KALRN: variants seen among roughly 807,000 people sequenced by gnomAD.
The protein encoded by KALRN is kalirin RhoGEF kinase.
A neutral mutation model predicts 353.7 loss-of-function variants in KALRN; 70 were observed. The ratio of observed to expected loss-of-function variants is 0.20; its 90% CI spans 0.16 to 0.24. The LOEUF is 0.24. KALRN is among the 10% of genes least tolerant of loss of function. The probability of loss-of-function intolerance (pLI) is 1.00; values close to 1 mark genes in which losing one functional copy is unlikely to be tolerated. For missense variants in KALRN, 2,791 were observed against 3,756.7 expected, an observed-to-expected ratio of 0.74 and a Z score of 6.72; for synonymous variants, 1,391 against 1,434.8, an observed-to-expected ratio of 0.97 and a Z score of 0.69.
chr3:124,444,288 A>G (rs1305944401), intron 19 of KALRN, among the ~76,000 whole-genome samples: 8 of 152,196 alleles, frequency 5.3e-5, no homozygotes, highest in African/African-American at 1.9e-4. Context: ...AGAATTTCCT[A>G]TAGTGGTGAT....
chr3:124,152,766 G>A (rs1034496736), intron 1 of KALRN: 2 of 350,688 alleles, frequency 5.7e-6, no homozygotes, highest in African/African-American at 2.2e-5. Flanking sequence ...GCTAATTTTT[G>A]TAGTTTTTGT....
At chr3:124,668,406 A>G (rs959046897) in intron 47 of KALRN, among the ~76,000 whole-genome samples, 7 of 152,228 alleles carry the variant, frequency 4.6e-5, no homozygotes, top group Admixed American at 6.5e-5. Flanking sequence ...AAGGGAGTTC[A>G]GGTAGATCTA....
chr3:124,572,229 G>A (rs1578071821), intron 34 of KALRN, among the ~76,000 whole-genome samples: 1 of 151,836 alleles, frequency 6.6e-6, no homozygotes, highest in East Asian at 2.0e-4. Flanking sequence ...GGTGGAGGTG[G>A]GGGAAGGGCT....
intron 1 of KALRN, among the ~76,000 whole-genome samples, chr3:124,139,244 C>A (rs1449101518): frequency 2.0e-5 from 3 of 152,146 alleles, no homozygotes; most frequent in Non-Finnish European, 2.9e-5. Context: ...GTTGACAACA[C>A]TCTCTTTAAG....
intron 14 of KALRN, among the ~76,000 whole-genome samples, chr3:124,417,882 A>G (rs982699343): frequency 2.0e-5 from 3 of 152,342 alleles, no homozygotes; most frequent in South Asian, 2.1e-4. Flanking sequence ...TTGTACTCCT[A>G]TTCTAGCACA....
intron 33 of KALRN, among the ~76,000 whole-genome samples, chr3:124,539,519 G>A (rs781695253): frequency 1.3e-5 from 2 of 152,166 alleles, no homozygotes; most frequent in Non-Finnish European, 2.9e-5. Flanking sequence ...CCCCTGGCAG[G>A]CTGCAAGCTC....
intron 51 of KALRN, among the ~76,000 whole-genome samples, chr3:124,687,059 C>T (rs1168101945): frequency 2.6e-5 from 4 of 151,978 alleles, no homozygotes; most frequent in East Asian, 3.8e-4. Context: ...CAGTGATCCT[C>T]GTGCCTCAGC....
intron 5 of KALRN, among the ~76,000 whole-genome samples, chr3:124,290,405 A>T (rs577513034): frequency 6.6e-6 from 1 of 152,306 alleles, no homozygotes; most frequent in Non-Finnish European, 1.5e-5. Flanking sequence ...AACTCAAGAA[A>T]GTAGTAAAAG....
chr3:124,699,766 T>C, intron 55 of KALRN, 103 bp from the exon 56 acceptor site: 1 of 1,112,362 alleles, frequency 9.0e-7, no homozygotes, highest in Non-Finnish European at 1.3e-6. Context: ...CAAGCATCCC[T>C]TGAATTGAAT....
chr3:124,191,454 C>A (rs1033600839), intron 1 of KALRN, among the ~76,000 whole-genome samples: 1 of 151,918 alleles, frequency 6.6e-6, no homozygotes, highest in African/African-American at 2.4e-5. Flanking sequence ...GACACTATCA[C>A]TTGAGAGATT....
chr3:124,684,691 T>C (rs1028164131), intron 51 of KALRN, among the ~76,000 whole-genome samples: 1 of 152,314 alleles, frequency 6.6e-6, no homozygotes, highest in Non-Finnish European at 1.5e-5. Flanking sequence ...CTTCTGACTT[T>C]GAAAACATTG....
chr3:124,234,968 A>AG lies in KALRN; in HGVS notation c.263+29dup, dbSNP rs780400324. The AG allele has an allele frequency of 1.5e-4, 230 of 1,543,000 alleles. 1 individual carries two copies. The Middle Eastern group carries it at 6.2e-3, about 42-fold the overall frequency. On this transcript the variant is annotated intron_variant, in intron 3 of 59. Coordinates refer to ENST00000682506, the MANE Select transcript of KALRN (RefSeq NM_001388419.1). ...GGTAAGGGGAAGGGGAATGGCCTGC[A>AG]GGGGAGCGGGAGGGGAGCTGGGCTG...
intron 12 of KALRN, 121 bp from the exon 13 acceptor site, chr3:124,398,576 G>T: frequency 1.0e-6 from 1 of 960,298 alleles, no homozygotes; most frequent in Non-Finnish European, 1.7e-6. Context: ...AATGTCTGTT[G>T]ATTGAATGAC....
chr3:124,170,770 CACAA>C (rs1441930467), intron 1 of KALRN, among the ~76,000 whole-genome samples: 1 of 145,648 alleles, frequency 6.9e-6, no homozygotes, highest in Admixed American at 7.0e-5. Context: ...AGTCTCAGGG[CACAA>C]ACAACATGAG....
At chr3:124,384,759 C>T in intron 10 of KALRN, 86 bp from the exon 11 acceptor site, 1 of 1,352,134 alleles carries the variant, frequency 7.4e-7, no homozygotes, top group South Asian at 1.4e-5. Context: ...GCCCACGCCC[C>T]TCCGCTTCAG....
intron 5 of KALRN, among the ~76,000 whole-genome samples, chr3:124,296,729 G>T (rs182529204): frequency 1.3e-5 from 2 of 152,326 alleles, no homozygotes; most frequent in African/African-American, 4.8e-5. Context: ...TTGATGTCAG[G>T]CTCCAGAAAC....
chr3:124,582,682 A>G (rs942780967), intron 34 of KALRN, among the ~76,000 whole-genome samples: 1 of 151,578 alleles, frequency 6.6e-6, no homozygotes, highest in South Asian at 2.1e-4. Flanking sequence ...TGCTCAATAA[A>G]TGTAAGCTAT....
rs867347434 is a variant in KALRN at position 124,604,425 on chromosome 3, G to A, written c.5183-27995G>A. 6.8e-4 allele frequency among the ~76,000 whole-genome samples: 104 copies of A among 152,192 alleles called. 1 individual carries two copies. The highest frequency in any genetic ancestry group is 3.4e-3 in the Middle Eastern group (1 of 294). ...TATATTGCTCTTCCCAAACCACAAA[G>A]GTTGTTTCTTTATAACCTTGTGATC... On this transcript the variant is annotated intron_variant, in intron 34 of 59. Transcript: ENST00000682506.
Position 124,696,149 on chromosome 3 carries a change from C to T in KALRN, c.7593C>T (p.Ile2531=), listed in dbSNP as rs750958830. 1.9e-6 allele frequency: 3 copies of T among 1,613,790 alleles called. No individual in the cohort carries two copies. Among genetic ancestry groups the T allele is most frequent in the Non-Finnish European group, 1.7e-6 (2 of 1,179,854 alleles). ...GTGTCCCTAGTGATTCTGGAGAAATCACCCTGAAGATCTGTAATCTGATGC... is the reference window on the plus strand; with the variant it reads ...GTGTCCCTAGTGATTCTGGAGAAATTACCCTGAAGATCTGTAATCTGATGC... ...YTVSSCDSGE[I]TLKICNLMPQ... Residue 2531 remains isoleucine, a synonymous_variant, in exon 54 of 60, where the codon ATC becomes ATT. Transcript: ENST00000682506.
Sources: gnomAD v4.1 joint callset for allele counts (sites outside exome capture counted in the v4.1 genomes callset) on GRCh38, gnomAD v4.1.1 for gene constraint, MANE v1.5 for transcripts, NCBI Gene and HGNC (gene_info 2026-07-23, HGNC 2026-07-21) for gene names.